Variants in SEPSECS observed in about 807,000 individuals in gnomAD.
The protein encoded by SEPSECS is O-phosphoseryl-tRNA(Sec) selenium transferase.
A neutral mutation model predicts 52.1 loss-of-function variants in SEPSECS; 42 were observed. That is an observed-to-expected ratio of 0.81 (90% CI 0.63 to 1.04). The LOEUF is 1.04. SEPSECS is among the 50% of genes least tolerant of loss of function. The probability of loss-of-function intolerance (pLI) is 0.00; values close to 1 mark genes in which losing one functional copy is unlikely to be tolerated. For missense variants in SEPSECS, 590 were observed against 610.6 expected, an observed-to-expected ratio of 0.97 and a Z score of 0.36; for synonymous variants, 216 against 211.4, an observed-to-expected ratio of 1.02 and a Z score of -0.19.
At chr4:25,157,797 G>T (rs1712776033) in intron 2 of SEPSECS, among the ~76,000 whole-genome samples, 1 of 151,814 alleles carries the variant, frequency 6.6e-6, no homozygotes, top group Non-Finnish European at 1.5e-5. Context: ...CGCCCGCCTT[G>T]GCCTCCCAAA....
rs1712880748 is a variant in SEPSECS, at chr4:25,159,106, C to T, written c.116G>A (p.Gly39Asp). 1 of 1,560,762 alleles carries T rather than the reference C, an allele frequency of 6.4e-7. No homozygotes were observed. Among genetic ancestry groups the T allele is most frequent in the African/African-American group, 1.6e-5 (1 of 64,436 alleles). The change falls in exon 2 of 11, where the codon GGC (glycine) becomes GAC (aspartate). Residue 39 changes from glycine to aspartate, a missense_variant and splice_region_variant. Gly to Asp is a moderately conservative substitution (Grantham distance 94, BLOSUM62 -1). Transcript: ENST00000382103. ...EHLIRLLLEK[G>D]KCPENGWDES... ...ATCCCAGCCATTCTCTGGACACTTG[C>T]CCTTAAAAAAAAAAAAAAACTTATG... is the stretch of plus-strand genomic sequence containing the variant.
In SEPSECS at chr4:25,123,197, T is replaced by A. The variant is rs1728202078; in HGVS notation, c.*734A>T. The A allele has an allele frequency of 6.6e-6, 1 of 152,280 alleles. No homozygotes were observed. The allele number at this position is 152,280 out of a possible 1,614,324, so 9.4% of individuals were successfully genotyped here. On this transcript the variant is annotated 3_prime_UTR_variant, in exon 11 of 11. Transcript: ENST00000382103. ...ACTGAAAGTTGCTATGGTAAACTTC[T>A]CTTTACTCAAGGAGTTTATCTACTT... is the stretch of plus-strand genomic sequence containing the variant.
At chr4:25,127,438 A>G (rs1036825552) in intron 8 of SEPSECS, 81 bp from the exon 9 acceptor site, 1 of 1,014,854 alleles carries the variant, frequency 9.9e-7, no homozygotes, top group Non-Finnish European at 1.5e-6. Context: ...GATTGGTATG[A>G]AGTCTACATT....
intron 8 of SEPSECS, among the ~76,000 whole-genome samples, chr4:25,127,787 T>C (rs1332034736): frequency 6.6e-6 from 1 of 152,192 alleles, no homozygotes; most frequent in Non-Finnish European, 1.5e-5. Context: ...GCTTCTCCCC[T>C]GATGACTTCC....
chr4:25,133,807 A>G (rs1285073487), intron 8 of SEPSECS, among the ~76,000 whole-genome samples: 2 of 152,012 alleles, frequency 1.3e-5, no homozygotes, highest in East Asian at 3.9e-4. Context: ...AGAAATATAC[A>G]GTAGATTATT....
chr4:25,140,023 T>C (rs575540070), intron 8 of SEPSECS, among the ~76,000 whole-genome samples: 23 of 152,336 alleles, frequency 1.5e-4, no homozygotes, highest in Non-Finnish European at 2.4e-4. Flanking sequence ...AAGTCTCTCT[T>C]GGCATGGCTA....
At position 25,158,935 on chromosome 4, in the gene SEPSECS, C is replaced by T; in HGVS notation, c.269+18G>A. 1.2e-6 allele frequency: 2 copies of T among 1,610,562 alleles called. No homozygotes were observed. The highest frequency in any genetic ancestry group is 8.5e-7 in the Non-Finnish European group (1 of 1,176,804). On this transcript the variant is annotated intron_variant, in intron 2 of 10. Coordinates refer to ENST00000382103, the MANE Select transcript of SEPSECS (RefSeq NM_016955.4). ...ATAAATAAACGATGTATCTCCTGTA[C>T]TACTTAAAAAAAGATACCTGTAATG... is the stretch of plus-strand genomic sequence containing the variant.
At position 25,156,707 on chromosome 4, in the gene SEPSECS, C is replaced by CAAAAAAAAAA. The variant is rs34542574; in HGVS notation, c.388+139_388+148dup. ...TGGGCAACAGAGCTAGACTCCGTCTCAAAAAAAAAAAAAAAAAAAAAAAAA... is the reference window on the plus strand; with the variant it reads ...TGGGCAACAGAGCTAGACTCCGTCTCAAAAAAAAAAAAAAAAAAAAAAAAAAAAAAAAAAA... On this transcript the variant is annotated intron_variant, in intron 3 of 10. Transcript: ENST00000382103. 8.3e-5 allele frequency: 19 copies of CAAAAAAAAAA among 229,652 alleles called. 1 individual carries two copies. In the African/African-American group the frequency reaches 8.7e-4, roughly 11 times the overall value. 14.2% of individuals were successfully genotyped at this position (229,652 alleles called of 1,614,324 possible). A position where few individuals can be genotyped will look rare whatever the true frequency, so the allele number is the denominator to read the frequency against.
intron 8 of SEPSECS, among the ~76,000 whole-genome samples, chr4:25,140,839 C>G (rs1358922662): frequency 1.3e-5 from 2 of 151,834 alleles, no homozygotes; most frequent in Admixed American, 1.3e-4. Flanking sequence ...TCACTCCCTC[C>G]TCCTTAATAC....
At chr4:25,144,896 C>T in intron 7 of SEPSECS, 31 bp from the exon 8 acceptor site, 1 of 1,594,700 alleles carries the variant, frequency 6.3e-7, no homozygotes, top group Non-Finnish European at 8.6e-7. Flanking sequence ...TACATTAAGA[C>T]TGTGGTGGGG....
At chr4:25,125,607 T>C (rs1475303326) in intron 10 of SEPSECS, 87 bp downstream of exon 10, 4 of 817,936 alleles carry the variant, frequency 4.9e-6, no homozygotes, top group African/African-American at 1.7e-5. Context: ...CAGGATATAC[T>C]TGGGGGACTA....
At chr4:25,159,764 T>C in intron 1 of SEPSECS, 1 of 1,062,882 alleles carries the variant, frequency 9.4e-7, no homozygotes. Context: ...AGAGCGAGAC[T>C]CTGTTTCAAA....
At chr4:25,157,183 G>C (rs960035289) in intron 2 of SEPSECS, among the ~76,000 whole-genome samples, 1 of 152,154 alleles carries the variant, frequency 6.6e-6, no homozygotes, top group Non-Finnish European at 1.5e-5. Flanking sequence ...AGTTTCCAAA[G>C]ACGGCCACCA....
intron 6 of SEPSECS, among the ~76,000 whole-genome samples, chr4:25,151,154 C>T (rs375338567): frequency 1.2e-4 from 18 of 152,172 alleles, no homozygotes; most frequent in Non-Finnish European, 2.5e-4. Context: ...TATTCACTCA[C>T]TTTGTTCAGT....
Position 25,156,844 on chromosome 4 carries a change from G to A in SEPSECS, c.388+12C>T, listed in dbSNP as rs372144391. 3.7e-6 allele frequency: 5 copies of A among 1,348,878 alleles called. 1 individual carries two copies. Among genetic ancestry groups the A allele is most frequent in the Non-Finnish European group, 5.3e-6 (5 of 943,412 alleles). 83.6% of individuals were successfully genotyped at this position (1,348,878 alleles called of 1,614,324 possible). A position where few individuals can be genotyped will look rare whatever the true frequency, so the allele number is the denominator to read the frequency against. ...AGACAGCCAAAAGCATTATGATTAAGACGGTACATACCAGCCAGCTTTATA... is the reference window on the plus strand; with the variant it reads ...AGACAGCCAAAAGCATTATGATTAAAACGGTACATACCAGCCAGCTTTATA... On this transcript the variant is annotated intron_variant, in intron 3 of 10. Transcript: ENST00000382103.
rs768156339 is a variant in SEPSECS at position 25,124,202 on chromosome 4, T to G, written c.1235A>C (p.Gln412Pro). 21 of 1,613,358 alleles carry G rather than the reference T, an allele frequency of 1.3e-5. No homozygotes were observed. The highest frequency in any genetic ancestry group is 1.8e-5 in the Non-Finnish European group (21 of 1,179,654). Residue 412 changes from glutamine (Q) to proline (P), a missense_variant, in exon 11 of 11, where the codon CAA (glutamine) becomes CCA (proline). Physicochemically the swap from Gln to Pro is moderately conservative, Grantham distance 76. Coordinates refer to ENST00000382103, the MANE Select transcript of SEPSECS (RefSeq NM_016955.4). ...TCTGAAAGTATAGCCACTCACAGTT[T>G]GCATGGACCCAAGAGGCACAACCCT... The part of the protein sequence containing the change: ...GARVVPLGSM[Q>P]TVSGYTFRGF...
In SEPSECS at chr4:25,156,208, A is replaced by G. The variant is rs769556940; in HGVS notation, c.389-13T>C. The G allele has an allele frequency of 6.2e-7, 1 of 1,613,172 alleles. No individual in the cohort carries two copies. The highest frequency in any genetic ancestry group is 1.7e-5 in the Admixed American group (1 of 60,022). ...ACTGTATGGACACCTACAAATAAGA[A>G]GCAAAACAGAAATCTGTTATCCCGC... On this transcript the variant is annotated splice_polypyrimidine_tract_variant and intron_variant, in intron 3 of 10. Coordinates refer to ENST00000382103, the MANE Select transcript of SEPSECS (RefSeq NM_016955.4).
At chr4:25,150,584 A>G (rs186533434) in intron 6 of SEPSECS, among the ~76,000 whole-genome samples, 34 of 152,372 alleles carry the variant, frequency 2.2e-4, no homozygotes. Context: ...ACGTAAAAAA[A>G]AAACACTGCC....
chr4:25,156,071 G>T lies in SEPSECS; in HGVS notation c.513C>A (p.Asp171Glu). Residue 171 changes from aspartate (D) to glutamate (E), a missense_variant, in exon 4 of 11, where the codon GAC becomes GAA. Transcript: ENST00000382103. ...KAKYIIWPRI[D>E]QKSCFKSMIT... The stretch of plus-strand genomic sequence containing the variant: ...TCATGGATTTAAAGCAGGACTTCTG[G>T]TCTATTCGTGGCCATATAATATACT... The T allele has an allele frequency of 6.2e-7, 1 of 1,613,830 alleles. No homozygotes were observed. The highest frequency in any genetic ancestry group is 8.5e-7 in the Non-Finnish European group (1 of 1,179,878).
Sources: gnomAD v4.1 joint callset for allele counts (sites outside exome capture counted in the v4.1 genomes callset) on GRCh38, gnomAD v4.1.1 for gene constraint, MANE v1.5 for transcripts, NCBI Gene and HGNC (gene_info 2026-07-23, HGNC 2026-07-21) for gene names.